CDH22: variants seen among roughly 807,000 people sequenced by gnomAD.
CDH22 encodes the protein cadherin 22.
Under a neutral mutation model 58.4 loss-of-function variants are expected in CDH22, and 30 were observed. The observed-to-expected ratio is 0.51, with a 90% CI of 0.38 to 0.70. The LOEUF (loss-of-function observed/expected upper bound fraction) is 0.70. Among genes scored for constraint, CDH22 ranks in the 30% least tolerant of loss-of-function variants. The pLI, the probability that CDH22 is intolerant of heterozygous loss-of-function variation, is 0.00. For synonymous variants in CDH22, 513 were observed against 558.2 expected (o/e 0.92, Z 1.14); for missense variants, 1,014 against 1,233.9 (o/e 0.82, Z 2.67).
intron 1 of CDH22, among the ~76,000 whole-genome samples, chr20:46,272,013 T>A (rs1422119407): frequency 1.3e-5 from 2 of 152,230 alleles, no homozygotes; most frequent in Non-Finnish European, 2.9e-5. Context: ...TTTTCCATCT[T>A]CGTGAATGAC....
intron 6 of CDH22, among the ~76,000 whole-genome samples, chr20:46,211,934 C>G (rs562091738): frequency 6.6e-6 from 1 of 152,016 alleles, no homozygotes; most frequent in East Asian, 1.9e-4. Flanking sequence ...ATTACAGCAT[C>G]TCAGAGGGTT....
At chr20:46,282,037 G>A (rs930164966) in intron 1 of CDH22, among the ~76,000 whole-genome samples, 1 of 152,220 alleles carries the variant, frequency 6.6e-6, no homozygotes, top group Admixed American at 6.5e-5. Context: ...GGTCCACTAT[G>A]ACAGCTTTCT....
At position 46,216,997 on chromosome 20, in the gene CDH22, T is replaced by G. The variant is rs761202819; in HGVS notation, c.671-4A>C. The G allele has an allele frequency of 1.3e-6, 2 of 1,584,818 alleles. No homozygotes were observed. Among genetic ancestry groups the G allele is most frequent in the South Asian group, 2.2e-5 (2 of 90,476 alleles). ...GGCACAGCCGTCCGGATTACGCCTGTGGGTGAGTGAGGGTGAGGCCAGGGC... is the reference window on the plus strand; with the variant it reads ...GGCACAGCCGTCCGGATTACGCCTGGGGGTGAGTGAGGGTGAGGCCAGGGC... On this transcript the variant is annotated splice_region_variant and splice_polypyrimidine_tract_variant and intron_variant, in intron 4 of 11. Transcript: ENST00000537909. This position sits in a 1 kb window ranked among gnomAD's most constrained non-coding sequence, Gnocchi z 5.3.
chr20:46,255,090 C>T (rs531294327), intron 1 of CDH22, among the ~76,000 whole-genome samples: 3 of 152,266 alleles, frequency 2.0e-5, no homozygotes, highest in Non-Finnish European at 2.9e-5. Flanking sequence ...GGCGTGATTT[C>T]GGCTCCCTGC....
In CDH22 at chr20:46,216,711, G is replaced by A. The variant is rs910006606; in HGVS notation, c.838+115C>T. The A allele has an allele frequency of 2.0e-6, 2 of 989,500 alleles. No homozygotes were observed. Among genetic ancestry groups the A allele is most frequent in the Non-Finnish European group, 3.1e-6 (2 of 651,590 alleles). 61.3% of individuals were successfully genotyped at this position (989,500 alleles called of 1,614,324 possible). A position where few individuals can be genotyped will look rare whatever the true frequency, so the allele number is the denominator to read the frequency against. ...GACAGACAGACAGACAGAAAGAGAG[G>A]GGGAAGCCCTTCTTTTGGTGGGAAG... On this transcript the variant is annotated intron_variant, in intron 5 of 11. Coordinates refer to ENST00000537909, the MANE Select transcript of CDH22 (RefSeq NM_021248.3). This position sits in a 1 kb window ranked among gnomAD's most constrained non-coding sequence, Gnocchi z 5.3.
In CDH22 at chr20:46,174,357, C is replaced by A. The variant is rs2085718257; in HGVS notation, c.*149G>T. ...CCTAGAGGAGGAGGAATGGAAGAGT[C>A]CGCTCCTAGCAAGTCCCCCCTCCGT... On this transcript the variant is annotated 3_prime_UTR_variant, in exon 12 of 12. Transcript: ENST00000537909. The surrounding 1 kb of genome is among the most constrained non-coding windows in gnomAD (Gnocchi z 4.4). The A allele has an allele frequency of 1.7e-6, 1 of 572,248 alleles. No homozygotes were observed. Among genetic ancestry groups the A allele is most frequent in the East Asian group, 3.4e-5 (1 of 29,660 alleles). The allele number at this position is 572,248 out of a possible 1,614,324, so 35.4% of individuals were successfully genotyped here.
At chr20:46,243,567 A>G (rs566575515) in intron 2 of CDH22, among the ~76,000 whole-genome samples, 7 of 152,306 alleles carry the variant, frequency 4.6e-5, no homozygotes, top group Middle Eastern at 3.4e-3. Flanking sequence ...AATGCCCCCA[A>G]TAAAATTATT....
intron 10 of CDH22, among the ~76,000 whole-genome samples, chr20:46,179,865 C>T (rs569846059): frequency 9.2e-5 from 14 of 152,288 alleles, no homozygotes; most frequent in South Asian, 8.3e-4. Flanking sequence ...CACCCGCTGC[C>T]GGCTCCCTGT....
chr20:46,238,756 C>T (rs2086270971), intron 3 of CDH22, among the ~76,000 whole-genome samples: 1 of 152,258 alleles, frequency 6.6e-6, no homozygotes, highest in African/African-American at 2.4e-5. Context: ...TCAACACCTC[C>T]ACTGGTACCA....
In CDH22 at chr20:46,210,866, C is replaced by T. The variant is rs2086038524; in HGVS notation, c.1033-306G>A. Among the ~76,000 whole-genome samples the T allele has an allele frequency of 6.6e-6, 1 of 152,218 alleles. No individual in the cohort carries two copies. The highest frequency in any genetic ancestry group is 6.5e-5 in the Admixed American group (1 of 15,288). ...CGGCATATTTCATTAGTTTAGTTCA[C>T]GAACACAAAGCACCTACTGTGTGCC... On this transcript the variant is annotated intron_variant, in intron 6 of 11. Transcript: ENST00000537909. This position sits in a 1 kb window ranked among gnomAD's most constrained non-coding sequence, Gnocchi z 4.5.
In CDH22 at chr20:46,241,126, C is replaced by T; in HGVS notation, c.387G>A (p.Gln129=). The T allele has an allele frequency of 6.2e-7, 1 of 1,614,060 alleles. No individual in the cohort carries two copies. Among genetic ancestry groups the T allele is most frequent in the East Asian group, 2.2e-5 (1 of 44,872 alleles). ...IHAMERLDRE[Q]KTFYTLRAQA... ...GGGCCCGCAGCGTGTAGAAGGTTTT[C>T]TGCTCGCGGTCCAGGCGCTCCATGG... is the stretch of plus-strand genomic sequence containing the variant. Residue 129 remains glutamine, a synonymous_variant, in exon 3 of 12, where the codon CAG becomes CAA. Coordinates refer to ENST00000537909, the MANE Select transcript of CDH22 (RefSeq NM_021248.3). The surrounding 1 kb of genome is among the most constrained non-coding windows in gnomAD (Gnocchi z 5.2).
intron 1 of CDH22, among the ~76,000 whole-genome samples, chr20:46,292,932 G>GTGTGTT (rs1212677941): frequency 7.2e-5 from 11 of 151,856 alleles, no homozygotes; most frequent in Non-Finnish European, 1.3e-4. Flanking sequence ...GTGTGTGTGT[G>GTGTGTT]TGTGTGTGTG....
intron 1 of CDH22, among the ~76,000 whole-genome samples, chr20:46,256,455 G>A: frequency 6.6e-6 from 1 of 152,194 alleles, no homozygotes. Context: ...TGGGAGAAGA[G>A]GGTTTCAAGC....
In CDH22 at chr20:46,276,460, G is replaced by T. The variant is rs1267701251; in HGVS notation, c.-399-24767C>A. 5.3e-5 allele frequency among the ~76,000 whole-genome samples: 8 copies of T among 152,254 alleles called. No individual in the cohort carries two copies. In the East Asian group the frequency reaches 7.7e-4, roughly 15 times the overall value. ...CGTGGGCGATTGATTGGATGTAGGT[G>T]GTCAGCAAAGAGAGGGATAAGGAAG... On this transcript the variant is annotated intron_variant, in intron 1 of 11. Coordinates refer to ENST00000537909, the MANE Select transcript of CDH22 (RefSeq NM_021248.3).
rs372135667 is a variant in CDH22, at chr20:46,216,868, C to T, written c.796G>A (p.Val266Ile). The change falls in exon 5 of 12, where the codon GTA (valine) becomes ATA (isoleucine). Residue 266 changes from valine to isoleucine, a missense_variant. By Grantham distance (29) the Val-to-Ile change is conservative. Around this residue, in one of 2 missense-constraint regions of CDH22, gnomAD observed 806 missense variants for 1,038.7 expected, o/e 0.78. Coordinates refer to ENST00000537909, the MANE Select transcript of CDH22 (RefSeq NM_021248.3). This position sits in a 1 kb window ranked among gnomAD's most constrained non-coding sequence, Gnocchi z 5.3. ...GLSGSTTVTI[V>I]VTDVNDNPPR... ...GGGTTGTCATTGACGTCGGTGACTACGATGGTGACGGTAGTGGAGCCCGAG... is the reference window on the plus strand; with the variant it reads ...GGGTTGTCATTGACGTCGGTGACTATGATGGTGACGGTAGTGGAGCCCGAG... 19 of 1,608,398 alleles carry T rather than the reference C, an allele frequency of 1.2e-5. No individual in the cohort carries two copies. Among genetic ancestry groups the T allele is most frequent in the African/African-American group, 5.4e-5 (4 of 74,760 alleles).
chr20:46,203,138 T>C (rs921295224), intron 7 of CDH22, among the ~76,000 whole-genome samples: 3 of 152,000 alleles, frequency 2.0e-5, no homozygotes, highest in Admixed American at 6.5e-5. Context: ...CCTAAGGCCA[T>C]AGGGCGGGGG....
chr20:46,226,130 C>T (rs2086169461), intron 4 of CDH22, among the ~76,000 whole-genome samples: 1 of 152,160 alleles, frequency 6.6e-6, no homozygotes, highest in Non-Finnish European at 1.5e-5. Flanking sequence ...GAGCTGCTTA[C>T]AATTCCCCTC....
chr20:46,278,392 A>G (rs2086531874), intron 1 of CDH22, among the ~76,000 whole-genome samples: 1 of 152,080 alleles, frequency 6.6e-6, no homozygotes, highest in Non-Finnish European at 1.5e-5. Context: ...AGGTTGTTTC[A>G]GCTCCAGGAG....
chr20:46,261,975 A>T (rs150970773), intron 1 of CDH22, among the ~76,000 whole-genome samples: 162 of 152,130 alleles, frequency 1.1e-3, no homozygotes, highest in Admixed American at 3.4e-3. Flanking sequence ...GTGTGGCTGA[A>T]CACATGCATG....
Sources: gnomAD v4.1 joint callset for allele counts (sites outside exome capture counted in the v4.1 genomes callset) on GRCh38, gnomAD v4.1.1 for gene constraint, gnomAD v4.1.1 regional missense constraint, Gnocchi (gnomAD v3.1) non-coding constraint, MANE v1.5 for transcripts, NCBI Gene and HGNC (gene_info 2026-07-23, HGNC 2026-07-21) for gene names.